The following HELZ variants were observed in gnomAD, a reference collection of about 807,000 sequenced individuals.
HELZ encodes the protein helicase with zinc finger.
A neutral mutation model predicts 218.2 loss-of-function variants in HELZ; 23 were observed. The ratio of observed to expected loss-of-function variants is 0.11; its 90% CI spans 0.08 to 0.15. The LOEUF is 0.15. Ranked by LOEUF, HELZ falls within the 10% of genes least tolerant of loss-of-function variation. HELZ has a pLI of 1.00. For synonymous variants in HELZ, 814 were observed against 829.4 expected, an observed-to-expected ratio of 0.98 and a Z score of 0.32; for missense variants, 1,813 against 2,353.7, an observed-to-expected ratio of 0.77 and a Z score of 4.75.
chr17:67,232,535 G>A (rs992335634), intron 3 of HELZ, among the ~76,000 whole-genome samples: 2 of 152,124 alleles, frequency 1.3e-5, no homozygotes, highest in Non-Finnish European at 2.9e-5. Flanking sequence ...AAGTTAATTC[G>A]CCCAAAGACA....
chr17:67,120,624 A>G lies in HELZ; in HGVS notation c.3631-12T>C. On this transcript the variant is annotated splice_polypyrimidine_tract_variant and intron_variant, in intron 26 of 32. Transcript: ENST00000358691. ...CCTGTCCATGGTACCTAGGTTATTA[A>G]AAAATAAAATACATGCATTAAGTAT... The G allele has an allele frequency of 6.3e-7, 1 of 1,596,758 alleles. No homozygotes were observed. The highest frequency in any genetic ancestry group is 8.6e-7 in the Non-Finnish European group (1 of 1,165,850).
At chr17:67,114,909 T>A (rs967952735) in intron 27 of HELZ, among the ~76,000 whole-genome samples, 3 of 152,160 alleles carry the variant, frequency 2.0e-5, no homozygotes, top group African/African-American at 7.2e-5. Flanking sequence ...TATAAGTGGG[T>A]GATAAATAGT....
At position 67,089,694 on chromosome 17, in the gene HELZ, G is replaced by C. The variant is rs111771092; in HGVS notation, c.5242-2613C>G. 5.9e-3 allele frequency among the ~76,000 whole-genome samples: 594 copies of C among 100,566 alleles called. 3 individuals carry two copies. The highest frequency in any genetic ancestry group is 0.016 in the African/African-American group (395 of 24,366). 66.0% of individuals were successfully genotyped at this position (100,566 alleles called of 152,430 possible). A position where few individuals can be genotyped will look rare whatever the true frequency, so the allele number is the denominator to read the frequency against. On this transcript the variant is annotated intron_variant, in intron 31 of 32. Coordinates refer to ENST00000358691, the MANE Select transcript of HELZ (RefSeq NM_014877.4). ...AGAGAGAGAGAGAGAGAGAGAGAGA[G>C]AGAGAGACAGAGAGACAGAGAGAGA...
At chr17:67,100,507 A>G (rs2036891721) in intron 31 of HELZ, among the ~76,000 whole-genome samples, 1 of 152,224 alleles carries the variant, frequency 6.6e-6, no homozygotes, top group Non-Finnish European at 1.5e-5. Flanking sequence ...GATGCCTTCA[A>G]AAAGGATTTT....
chr17:67,118,030 G>A (rs1005280439), intron 27 of HELZ, among the ~76,000 whole-genome samples: 1 of 152,176 alleles, frequency 6.6e-6, no homozygotes, highest in Admixed American at 6.5e-5. Context: ...AGTAGGAATT[G>A]ACAAGCTGAT....
rs118110924 is a variant in HELZ at position 67,198,083 on chromosome 17, T to C, written c.430-2613A>G. Among the ~76,000 whole-genome samples the C allele has an allele frequency of 2.6e-3, 397 of 152,328 alleles. 2 individuals carry two copies. Among genetic ancestry groups the C allele is most frequent in the Non-Finnish European group, 4.2e-3 (286 of 68,026 alleles). The stretch of plus-strand genomic sequence containing the variant: ...ATTCTATTTACATAACATATATAAA[T>C]AGATAGGCTAAAAATTAACTGCAAG... On this transcript the variant is annotated intron_variant, in intron 7 of 32. Transcript: ENST00000358691.
intron 24 of HELZ, 163 bp downstream of exon 24, chr17:67,128,488 C>T: frequency 3.0e-6 from 2 of 671,728 alleles, no homozygotes. Flanking sequence ...ACTGTATTTT[C>T]ACTTACATGT....
chr17:67,103,889 A>C (rs2037007066), intron 31 of HELZ, among the ~76,000 whole-genome samples: 1 of 152,250 alleles, frequency 6.6e-6, no homozygotes, highest in Non-Finnish European at 1.5e-5. Context: ...ACTGGCAGAA[A>C]GACAGACACA....
intron 7 of HELZ, among the ~76,000 whole-genome samples, chr17:67,200,318 C>T (rs1208490515): frequency 1.3e-5 from 2 of 152,178 alleles, no homozygotes; most frequent in Non-Finnish European, 2.9e-5. Context: ...TCCATGTGTC[C>T]TCCAAGTCCT....
intron 2 of HELZ, among the ~76,000 whole-genome samples, chr17:67,240,304 G>C (rs1409853445): frequency 6.6e-6 from 1 of 152,194 alleles, no homozygotes; most frequent in African/African-American, 2.4e-5. Context: ...CTCAGGAATA[G>C]AGAGGTCTTC....
At chr17:67,175,382 AAT>A (rs1459002520) in intron 13 of HELZ, among the ~76,000 whole-genome samples, 3 of 152,206 alleles carry the variant, frequency 2.0e-5, no homozygotes. Context: ...AATTTTCAAA[AAT>A]ATATCTTAGT....
At chr17:67,221,791 T>C (rs2143333524) in intron 3 of HELZ, among the ~76,000 whole-genome samples, 1 of 152,214 alleles carries the variant, frequency 6.6e-6, no homozygotes, top group South Asian at 2.1e-4. Flanking sequence ...CTAAAATTCC[T>C]TATTTTCACT....
At chr17:67,089,566 T>A (rs2036495897) in intron 31 of HELZ, among the ~76,000 whole-genome samples, 1 of 150,766 alleles carries the variant, frequency 6.6e-6, no homozygotes, top group Non-Finnish European at 1.5e-5. Flanking sequence ...GTTATGAATA[T>A]GATTAATTTT....
At chr17:67,146,431 T>TACA (rs1346769626) in intron 20 of HELZ, among the ~76,000 whole-genome samples, 2 of 152,232 alleles carry the variant, frequency 1.3e-5, no homozygotes, top group Non-Finnish European at 2.9e-5. Context: ...ACAGGCCATT[T>TACA]ACACCATATA....
At chr17:67,229,215 T>C (rs1410710216) in intron 3 of HELZ, among the ~76,000 whole-genome samples, 2 of 152,302 alleles carry the variant, frequency 1.3e-5, no homozygotes, top group Non-Finnish European at 2.9e-5. Context: ...CATTAACAGA[T>C]ATCCGGGCCA....
At chr17:67,163,624 G>A (rs889351669) in intron 15 of HELZ, among the ~76,000 whole-genome samples, 1 of 151,874 alleles carries the variant, frequency 6.6e-6, no homozygotes, top group African/African-American at 2.4e-5. Context: ...GGATGGTCTC[G>A]ATCTCCTGAC....
Position 67,188,254 on chromosome 17 carries a change from C to T in HELZ, c.1162+65G>A. ...CTATCCATGGAATATATTCAGGGGC[C>T]AATACATATCTTTGAATGTTGCTTT... On this transcript the variant is annotated intron_variant, in intron 12 of 32. Transcript: ENST00000358691. This position sits in a 1 kb window ranked among gnomAD's most constrained non-coding sequence, Gnocchi z 4.1. 7.1e-7 allele frequency: 1 copy of T among 1,408,812 alleles called. No individual in the cohort carries two copies. The highest frequency in any genetic ancestry group is 9.8e-7 in the Non-Finnish European group (1 of 1,022,426). The allele number at this position is 1,408,812 out of a possible 1,614,324, so 87.3% of individuals were successfully genotyped here.
At chr17:67,092,896 G>T (rs985333469) in intron 31 of HELZ, among the ~76,000 whole-genome samples, 4 of 151,578 alleles carry the variant, frequency 2.6e-5, no homozygotes, top group African/African-American at 7.3e-5. Flanking sequence ...AACCGGCGGG[G>T]GGGGGAAGTT....
intron 13 of HELZ, among the ~76,000 whole-genome samples, chr17:67,169,264 C>T (rs1028265094): frequency 2.0e-5 from 3 of 151,894 alleles, no homozygotes; most frequent in Non-Finnish European, 2.9e-5. Flanking sequence ...TTTGTGTTGC[C>T]GTAACAGAAT....
Sources: gnomAD v4.1 joint callset for allele counts (sites outside exome capture counted in the v4.1 genomes callset) on GRCh38, gnomAD v4.1.1 for gene constraint, Gnocchi (gnomAD v3.1) non-coding constraint, MANE v1.5 for transcripts, NCBI Gene and HGNC (gene_info 2026-07-23, HGNC 2026-07-21) for gene names.